The following SYT7 variants were observed in gnomAD, a reference collection of about 807,000 sequenced individuals.
SYT7 encodes the protein synaptotagmin-7.
In SYT7, 29 loss-of-function variants were observed where a neutral mutation model predicts 75.1. The ratio of observed to expected loss-of-function variants is 0.39; its 90% CI spans 0.29 to 0.53. The LOEUF (loss-of-function observed/expected upper bound fraction) is 0.53, where lower values mean the gene tolerates loss of function less well. Among genes scored for constraint, SYT7 ranks in the 20% least tolerant of loss-of-function variants. The pLI, the probability that SYT7 is intolerant of heterozygous loss-of-function variation, is 0.77. For synonymous variants in SYT7, 376 were observed against 401.7 expected (o/e 0.94, Z 0.76); for missense variants, 693 against 953.2 (o/e 0.73, Z 3.59).
At chr11:61,548,745 C>T (rs372680818) in intron 3 of SYT7, among the ~76,000 whole-genome samples, 1 of 152,192 alleles carries the variant, frequency 6.6e-6, no homozygotes, top group South Asian at 2.1e-4. Flanking sequence ...TTGACCTTGA[C>T]CTTGGTTCTC....
At chr11:61,541,849 G>A (rs2063051852) in intron 6 of SYT7, among the ~76,000 whole-genome samples, 1 of 152,098 alleles carries the variant, frequency 6.6e-6, no homozygotes, top group South Asian at 2.1e-4. Flanking sequence ...AGGGGGAGGA[G>A]AGAGGTCGCA....
chr11:61,572,590 G>T (rs895056452), intron 1 of SYT7, among the ~76,000 whole-genome samples: 1 of 152,168 alleles, frequency 6.6e-6, no homozygotes, highest in African/African-American at 2.4e-5. Context: ...CAGTGAATTG[G>T]ATATCTCCCT....
chr11:61,569,616 G>A (rs1398174933), intron 1 of SYT7, among the ~76,000 whole-genome samples: 3 of 152,094 alleles, frequency 2.0e-5, no homozygotes, highest in Non-Finnish European at 4.4e-5. Context: ...CCTCTATGGA[G>A]AGAGAGGAAG....
intron 5 of SYT7, among the ~76,000 whole-genome samples, chr11:61,543,777 G>A (rs879692633): frequency 2.0e-5 from 3 of 152,264 alleles, no homozygotes; most frequent in Admixed American, 1.3e-4. Context: ...TGCGCTGGCT[G>A]GAGATTTCAC....
At chr11:61,556,646 C>CT (rs1369697683) in intron 1 of SYT7, among the ~76,000 whole-genome samples, 5 of 152,250 alleles carry the variant, frequency 3.3e-5, no homozygotes, top group African/African-American at 1.2e-4. Context: ...CACACACACT[C>CT]TGAGTTGCAA....
rs2064097466 is a variant in SYT7 at position 61,576,899 on chromosome 11, G to C, written c.31+3891C>G. Among the ~76,000 whole-genome samples the C allele has an allele frequency of 6.6e-6, 1 of 152,132 alleles. No homozygotes were observed. On this transcript the variant is annotated intron_variant, in intron 1 of 12. Coordinates refer to ENST00000539008, the MANE Select transcript of SYT7 (RefSeq NM_001365809.2). The surrounding 1 kb of genome is among the most constrained non-coding windows in gnomAD (Gnocchi z 4.1). The stretch of plus-strand genomic sequence containing the variant: ...CTGAGCTTGGGGTCAGCCAGGAGCA[G>C]AACCCAGCTGCCCAGGGCCTGTCTT...
In SYT7 at chr11:61,518,535, G is replaced by A. The variant is rs2062206748; in HGVS notation, c.*92C>T. 1 of 914,724 alleles carries A rather than the reference G, an allele frequency of 1.1e-6. No homozygotes were observed. Among genetic ancestry groups the A allele is most frequent in the East Asian group, 3.0e-5 (1 of 33,762 alleles). 56.7% of individuals were successfully genotyped at this position (914,724 alleles called of 1,614,324 possible). ...GCCCTCAGGGTCCTCCCCTCCCTATGGCAGGGGGCTCAGGCCGGGCGTTGT... is the reference window on the plus strand; with the variant it reads ...GCCCTCAGGGTCCTCCCCTCCCTATAGCAGGGGGCTCAGGCCGGGCGTTGT... On this transcript the variant is annotated 3_prime_UTR_variant, in exon 13 of 13. Coordinates refer to ENST00000539008, the MANE Select transcript of SYT7 (RefSeq NM_001365809.2).
At chr11:61,538,117 G>A (rs749669678) in intron 7 of SYT7, 27 bp downstream of exon 7, 37 of 1,534,018 alleles carry the variant, frequency 2.4e-5, no homozygotes, top group South Asian at 9.5e-5. Flanking sequence ...TGCCGCCGCC[G>A]CCGCAGGCCC....
In SYT7 at chr11:61,517,805, C is replaced by A; in HGVS notation, c.*822G>T. 1 of 375,950 alleles carries A rather than the reference C, an allele frequency of 2.7e-6. No individual in the cohort carries two copies. Among genetic ancestry groups the A allele is most frequent in the Non-Finnish European group, 4.7e-6 (1 of 212,996 alleles). 23.3% of individuals were successfully genotyped at this position (375,950 alleles called of 1,614,324 possible). On this transcript the variant is annotated 3_prime_UTR_variant, in exon 13 of 13. Transcript: ENST00000539008. ...GATGAAATTGCTGAGGAGGGAACTA[C>A]TTCAGATTCTGAGCAGAGGGGGGCA...
intron 1 of SYT7, among the ~76,000 whole-genome samples, chr11:61,570,524 G>GA (rs961392282): frequency 4.6e-5 from 7 of 152,154 alleles, no homozygotes; most frequent in African/African-American, 1.7e-4. Context: ...CCATTATAGG[G>GA]AAAAAACTGA....
chr11:61,545,417 C>T lies in SYT7; in HGVS notation c.572+614G>A, dbSNP rs190124704. On this transcript the variant is annotated intron_variant, in intron 5 of 12. Coordinates refer to ENST00000539008, the MANE Select transcript of SYT7 (RefSeq NM_001365809.2). ...CGGTGACCAAGACTGGGACAGCCAA[C>T]GGGGATGGCTGAGATGAGGATGAAC... 3.5e-3 allele frequency among the ~76,000 whole-genome samples: 528 copies of T among 152,290 alleles called. 8 individuals carry two copies. In the South Asian group the frequency reaches 0.037, roughly 11 times the overall value.
At position 61,527,990 on chromosome 11, in the gene SYT7, T is replaced by C; in HGVS notation, c.1396A>G (p.Lys466Glu). Reference sequence around the variant, plus strand: ...ACCTTGGTCTCCAGCTTGTGCTTCTTGTCGGGCAGCAGGTAGATCTTGACG... The same window carrying C: ...ACCTTGGTCTCCAGCTTGTGCTTCTCGTCGGGCAGCAGGTAGATCTTGACG... ...PFVKIYLLPD[K>E]KHKLETKVKR... The change falls in exon 9 of 13, where the codon AAG becomes GAG. Residue 466 changes from lysine (K) to glutamate (E), a missense_variant. Physicochemically the swap from Lys to Glu is moderately conservative, Grantham distance 56. Transcript: ENST00000539008. 6.2e-7 allele frequency: 1 copy of C among 1,614,182 alleles called. No homozygotes were observed. The highest frequency in any genetic ancestry group is 8.5e-7 in the Non-Finnish European group (1 of 1,180,042).
intron 12 of SYT7, among the ~76,000 whole-genome samples, chr11:61,519,000 T>G (rs1172205744): frequency 7.9e-5 from 12 of 152,260 alleles, no homozygotes. Context: ...CAGTGGGGTC[T>G]GGAAGGTGGG....
In SYT7 at chr11:61,515,361, G is replaced by A. The variant is rs2062122672; in HGVS notation, c.*3266C>T. 1 of 152,154 alleles carries A rather than the reference G, an allele frequency of 6.6e-6. No individual in the cohort carries two copies. Among genetic ancestry groups the A allele is most frequent in the Non-Finnish European group, 1.5e-5 (1 of 68,026 alleles). The allele number at this position is 152,154 out of a possible 1,614,324, so 9.4% of individuals were successfully genotyped here. Reference sequence around the variant, plus strand: ...ATCAGAACAGGCCTTGCCACAAAAAGCAGGGCCCATTCCCACAAAAATATG... The same window carrying A: ...ATCAGAACAGGCCTTGCCACAAAAAACAGGGCCCATTCCCACAAAAATATG... On this transcript the variant is annotated 3_prime_UTR_variant, in exon 13 of 13. Transcript: ENST00000539008.
chr11:61,544,486 A>C (rs1590884521), intron 5 of SYT7, among the ~76,000 whole-genome samples: 1 of 152,332 alleles, frequency 6.6e-6, no homozygotes, highest in East Asian at 1.9e-4. Context: ...CTCAGGCCTG[A>C]AATCCAGGCT....
chr11:61,584,320 G>T (rs557066969), upstream of SYT7, among the ~76,000 whole-genome samples: 16 of 151,634 alleles, frequency 1.1e-4, no homozygotes, highest in African/African-American at 3.9e-4. Context: ...GCTTGAACCC[G>T]GGAGGTGGAG....
rs917455728 is a variant in SYT7 at position 61,533,019 on chromosome 11, G to A, written c.1170C>T (p.Leu390=). 2.0e-5 allele frequency: 32 copies of A among 1,613,546 alleles called. No homozygotes were observed. Among genetic ancestry groups the A allele is most frequent in the Non-Finnish European group, 2.6e-5 (31 of 1,180,016 alleles). The change falls in exon 8 of 13, where the codon CTC becomes CTT. Residue 390 remains leucine, a synonymous_variant. Coordinates refer to ENST00000539008, the MANE Select transcript of SYT7 (RefSeq NM_001365809.2). ...RTEPRSSVSD[L]VNSLTSEMLM... ...GCATCTCGCTGGTGAGGGAGTTGAC[G>A]AGGTCTGAGACGGAGGAACGTGGCT... is the stretch of plus-strand genomic sequence containing the variant.
At chr11:61,563,863 G>T (rs961452381) in intron 1 of SYT7, among the ~76,000 whole-genome samples, 1 of 152,174 alleles carries the variant, frequency 6.6e-6, no homozygotes, top group African/African-American at 2.4e-5. Flanking sequence ...GCACCTAGAG[G>T]ATTGAGACCC....
At chr11:61,536,788 C>T (rs1188140164) in intron 7 of SYT7, among the ~76,000 whole-genome samples, 1 of 152,186 alleles carries the variant, frequency 6.6e-6, no homozygotes, top group Non-Finnish European at 1.5e-5. Context: ...CATCTTGCCT[C>T]TCAGCCTATC....
Sources: gnomAD v4.1 joint callset for allele counts (sites outside exome capture counted in the v4.1 genomes callset) on GRCh38, gnomAD v4.1.1 for gene constraint, Gnocchi (gnomAD v3.1) non-coding constraint, MANE v1.5 for transcripts, NCBI Gene and HGNC (gene_info 2026-07-23, HGNC 2026-07-21) for gene names.